FGF12: variants seen among roughly 807,000 people sequenced by gnomAD.
The protein encoded by FGF12 is fibroblast growth factor 12.
A neutral mutation model predicts 23.6 loss-of-function variants in FGF12; 14 were observed. The ratio of observed to expected loss-of-function variants is 0.59; its 90% confidence interval spans 0.39 to 0.93. FGF12 has a LOEUF of 0.93. FGF12 is among the 40% of genes least tolerant of loss of function. The pLI is 0.00. For synonymous variants in FGF12, 62 were observed against 77.3 expected (o/e 0.80, Z 1.04); for missense variants, 175 against 217.8 (o/e 0.80, Z 1.24).
chr3:192,664,518 G>C (rs1716783385), intron 2 of FGF12, among the ~76,000 whole-genome samples: 1 of 151,382 alleles, frequency 6.6e-6, no homozygotes. Context: ...GGAGGCCAAG[G>C]AGGGTGGATC....
At chr3:192,614,859 C>T (rs527255929) in intron 2 of FGF12, among the ~76,000 whole-genome samples, 1 of 152,124 alleles carries the variant, frequency 6.6e-6, no homozygotes, top group African/African-American at 2.4e-5. Flanking sequence ...AGGAGCACTT[C>T]CAGCCTTCTA....
At chr3:192,597,544 G>A (rs1387241416) in intron 2 of FGF12, among the ~76,000 whole-genome samples, 1 of 151,402 alleles carries the variant, frequency 6.6e-6, no homozygotes, top group Non-Finnish European at 1.5e-5. Context: ...TGGAATAATT[G>A]CATTCACCCT....
intron 5 of FGF12, among the ~76,000 whole-genome samples, chr3:192,147,318 C>A (rs187653642): frequency 7.2e-5 from 11 of 152,232 alleles, no homozygotes; most frequent in Admixed American, 7.2e-4. Context: ...TTCTGAATTA[C>A]AATATAATTT....
intron 2 of FGF12, among the ~76,000 whole-genome samples, chr3:192,577,058 G>C (rs1449006532): frequency 6.6e-6 from 1 of 152,126 alleles, no homozygotes; most frequent in Non-Finnish European, 1.5e-5. Flanking sequence ...CCTGTCGGCG[G>C]GTGGGGGACT....
intron 2 of FGF12, among the ~76,000 whole-genome samples, chr3:192,671,214 C>A (rs1351465741): frequency 6.6e-6 from 1 of 152,188 alleles, no homozygotes; most frequent in African/African-American, 2.4e-5. Context: ...TGAAGTTAGA[C>A]AGCAGGAAAA....
At chr3:192,398,623 C>G (rs1720628425) in intron 2 of FGF12, among the ~76,000 whole-genome samples, 1 of 152,182 alleles carries the variant, frequency 6.6e-6, no homozygotes, top group African/African-American at 2.4e-5. Context: ...CTCAAGTGAT[C>G]TGCCCGCCTC....
intron 3 of FGF12, among the ~76,000 whole-genome samples, chr3:192,347,178 C>T (rs1032000055): frequency 2.0e-5 from 3 of 152,206 alleles, no homozygotes; most frequent in Non-Finnish European, 2.9e-5. Flanking sequence ...TTGTTGAAAA[C>T]AATTTAATAT....
At chr3:192,673,274 G>A (rs1717197498) in intron 2 of FGF12, 1 of 150,912 alleles carries the variant, frequency 6.6e-6, no homozygotes, top group South Asian at 2.1e-4. Flanking sequence ...TGTGGTGCTG[G>A]CAAGAAAAAC....
At chr3:192,645,036 T>A (rs9820682) in intron 2 of FGF12, among the ~76,000 whole-genome samples, 7 of 151,910 alleles carry the variant, frequency 4.6e-5, no homozygotes, top group Non-Finnish European at 1.0e-4. Flanking sequence ...GGCACACAGT[T>A]TTTAAAAAGT....
chr3:192,590,532 T>G (rs554369736), intron 2 of FGF12, among the ~76,000 whole-genome samples: 1 of 152,078 alleles, frequency 6.6e-6, no homozygotes, highest in East Asian at 1.9e-4. Flanking sequence ...AATGAAATTA[T>G]GTAGGTAAGT....
chr3:192,719,530 T>C (rs1208720697), intron 2 of FGF12, among the ~76,000 whole-genome samples: 1 of 152,210 alleles, frequency 6.6e-6, no homozygotes, highest in African/African-American at 2.4e-5. Flanking sequence ...AAAACCTTTA[T>C]CTTGATACAT....
chr3:192,564,135 C>T (rs1189787923), intron 2 of FGF12, among the ~76,000 whole-genome samples: 1 of 152,158 alleles, frequency 6.6e-6, no homozygotes, highest in Non-Finnish European at 1.5e-5. Flanking sequence ...GCGATCTCAG[C>T]TCACTGCAAT....
Position 192,403,247 on chromosome 3 carries a change from A to G in FGF12, c.14-42709T>C, listed in dbSNP as rs73889319. On this transcript the variant is annotated intron_variant, in intron 2 of 5. Coordinates refer to ENST00000445105, the MANE Select transcript of FGF12 (RefSeq NM_004113.6). ...TCTAAAGATCTTCCAAAATATTCCT[A>G]TTGCTTCCTCAAATGCAGAGACTGC... 5.2e-3 allele frequency among the ~76,000 whole-genome samples: 791 copies of G among 152,240 alleles called. 9 individuals carry two copies. Among genetic ancestry groups the G allele is most frequent in the African/African-American group, 0.018 (767 of 41,564 alleles).
chr3:192,441,967 T>C (rs937673423), intron 2 of FGF12, among the ~76,000 whole-genome samples: 4 of 152,248 alleles, frequency 2.6e-5, no homozygotes, highest in Non-Finnish European at 5.9e-5. Flanking sequence ...CTGCTATTGC[T>C]GCTGACTCAC....
At chr3:192,636,642 G>A (rs910318585) in intron 2 of FGF12, among the ~76,000 whole-genome samples, 6 of 152,294 alleles carry the variant, frequency 3.9e-5, no homozygotes, top group African/African-American at 1.4e-4. Flanking sequence ...CAGAGTTTGA[G>A]GAAGAGTCAT....
At chr3:192,483,055 T>C (rs988308407) in intron 2 of FGF12, among the ~76,000 whole-genome samples, 3 of 152,126 alleles carry the variant, frequency 2.0e-5, no homozygotes, top group Non-Finnish European at 4.4e-5. Flanking sequence ...CACCTCCTAC[T>C]ACTCATCTTT....
chr3:192,640,801 T>C (rs1226158634), intron 2 of FGF12, among the ~76,000 whole-genome samples: 3 of 32,834 alleles, frequency 9.1e-5, no homozygotes, highest in Non-Finnish European at 2.3e-4. Flanking sequence ...TTTTTTTTGT[T>C]TGTTTGTTTG....
intron 2 of FGF12, among the ~76,000 whole-genome samples, chr3:192,572,099 C>T (rs1363590932): frequency 4.6e-5 from 7 of 152,126 alleles, no homozygotes; most frequent in East Asian, 1.9e-4. Flanking sequence ...CCATCACGAA[C>T]CTTCTCATAG....
At chr3:192,446,590 C>G (rs942160761) in intron 2 of FGF12, among the ~76,000 whole-genome samples, 4 of 152,210 alleles carry the variant, frequency 2.6e-5, no homozygotes, top group Admixed American at 2.6e-4. Flanking sequence ...CATAGTCTGA[C>G]AGTAGTCAGC....
Sources: allele counts gnomAD v4.1 joint callset (sites outside exome capture counted in the v4.1 genomes callset), GRCh38; gene constraint gnomAD v4.1.1; transcripts MANE v1.5; gene names NCBI Gene and HGNC (gene_info 2026-07-23, HGNC 2026-07-21).